Variants in PLEKHM1 observed in about 807,000 individuals in gnomAD.
PLEKHM1 encodes pleckstrin homology domain-containing family M member 1.
A neutral mutation model predicts 94.3 loss-of-function variants in PLEKHM1; 28 were observed. That is an observed-to-expected ratio of 0.30 (90% CI 0.22 to 0.41). The LOEUF is 0.41. Among genes scored for constraint, PLEKHM1 ranks in the 10% least tolerant of loss-of-function variants. The pLI is 1.00. For missense variants in PLEKHM1, 907 were observed against 1,358.6 expected, an observed-to-expected ratio of 0.67 and a Z score of 5.22; for synonymous variants, 424 against 581.2, an observed-to-expected ratio of 0.73 and a Z score of 3.89.
At chr17:45,449,481 C>CCTGCT (rs2050705810) in intron 8 of PLEKHM1, among the ~76,000 whole-genome samples, 1 of 151,966 alleles carries the variant, frequency 6.6e-6, no homozygotes, top group Non-Finnish European at 1.5e-5. Context: ...CACCTACCCA[C>CCTGCT]CAAGCCATCC....
intron 1 of PLEKHM1, 93 bp from the exon 2 acceptor site, chr17:45,482,618 T>C (rs1482062624): frequency 1.4e-6 from 1 of 739,232 alleles, no homozygotes; most frequent in Non-Finnish European, 2.5e-6. Flanking sequence ...CAGCCTCTCT[T>C]ACTCAAACTG....
intron 5 of PLEKHM1, among the ~76,000 whole-genome samples, chr17:45,467,643 C>T (rs1462366407): frequency 3.9e-5 from 6 of 152,092 alleles, no homozygotes; most frequent in Admixed American, 2.6e-4. Flanking sequence ...CACCTGTAAT[C>T]CCAGCTACTC....
At chr17:45,452,491 T>C (rs908077605) in intron 7 of PLEKHM1, among the ~76,000 whole-genome samples, 1 of 151,424 alleles carries the variant, frequency 6.6e-6, no homozygotes, top group South Asian at 2.1e-4. Context: ...GTGAGCTCAG[T>C]AGCAGACACC....
rs778185567 is a variant in PLEKHM1, at chr17:45,437,352, G to T, written c.*506C>A. ...CAGCCACCCGCTACCTCTAAGCCAG[G>T]CCTGAGTGGCTCCTGTGCATCCGCT... On this transcript the variant is annotated 3_prime_UTR_variant, in exon 12 of 12. Coordinates refer to ENST00000430334, the MANE Select transcript of PLEKHM1 (RefSeq NM_014798.3). This position sits in a 1 kb window ranked among gnomAD's most constrained non-coding sequence, Gnocchi z 4.0. 5.9e-4 allele frequency: 270 copies of T among 454,108 alleles called. 1 individual carries two copies. Among genetic ancestry groups the T allele is most frequent in the Non-Finnish European group, 1.3e-4 (29 of 226,848 alleles). The allele number at this position is 454,108 out of a possible 1,614,324, so 28.1% of individuals were successfully genotyped here. A position where few individuals can be genotyped will look rare whatever the true frequency, so the allele number is the denominator to read the frequency against.
In PLEKHM1 at chr17:45,478,060, C is replaced by A; in HGVS notation, c.136G>T (p.Asp46Tyr). Residue 46 changes from aspartate to tyrosine, a missense_variant, in exon 3 of 12, where the codon GAT (aspartate) becomes TAT (tyrosine). By Grantham distance (160) the Asp-to-Tyr change is radical (BLOSUM62 -3). Coordinates refer to ENST00000430334, the MANE Select transcript of PLEKHM1 (RefSeq NM_014798.3). The part of the protein sequence containing the change: ...LDTVVTSEDG[D>Y]ANTMCSALEA... ...AGGGCGCTGCACATGGTGTTGGCAT[C>A]TCCGTCTTCACTAGTGACCACCGTG... 1 of 1,614,184 alleles carries A rather than the reference C, an allele frequency of 6.2e-7. No homozygotes were observed. Among genetic ancestry groups the A allele is most frequent in the Non-Finnish European group, 8.5e-7 (1 of 1,180,040 alleles).
chr17:45,464,835 A>G (rs919751845), intron 5 of PLEKHM1, among the ~76,000 whole-genome samples: 13 of 152,198 alleles, frequency 8.5e-5, no homozygotes, highest in African/African-American at 3.1e-4. Context: ...CCAAATTGCT[A>G]GGATTAGAGG....
chr17:45,455,350 A>G (rs1252982303), intron 6 of PLEKHM1, among the ~76,000 whole-genome samples: 1 of 151,778 alleles, frequency 6.6e-6, no homozygotes, highest in African/African-American at 2.4e-5. Flanking sequence ...GAGTGCCCAG[A>G]TGTCAGTCCT....
intron 1 of PLEKHM1, among the ~76,000 whole-genome samples, chr17:45,489,993 C>G (rs2052257899): frequency 6.6e-6 from 1 of 151,958 alleles, no homozygotes. Context: ...CGGCAGGAGA[C>G]GCAAAGGAAG....
chr17:45,485,794 T>TATTACCAGCTACC, intron 1 of PLEKHM1, among the ~76,000 whole-genome samples: 1 of 151,588 alleles, frequency 6.6e-6, no homozygotes, highest in Non-Finnish European at 1.5e-5. Flanking sequence ...TACCAGCTAC[T>TATTACCAGCTACC]GGTATTACCA....
At chr17:45,473,611 T>A (rs2051593028) in intron 4 of PLEKHM1, among the ~76,000 whole-genome samples, 1 of 151,824 alleles carries the variant, frequency 6.6e-6, no homozygotes. Flanking sequence ...CAGGCTGGAG[T>A]GCAGTGGCAC....
intron 1 of PLEKHM1, among the ~76,000 whole-genome samples, chr17:45,489,890 A>AT (rs1447543926): frequency 5.3e-5 from 8 of 152,232 alleles, no homozygotes; most frequent in East Asian, 1.9e-4. Context: ...TGGAGATGTC[A>AT]TTTTTAACAA....
rs2050539401 is a variant in PLEKHM1, at chr17:45,444,459, G to A, written c.2837+1011C>T. ...GAGCACCAAAGGCCCCAGGCCCTGG[G>A]TAAGAGAAGCTTCCTGAAGGGCATC... is the stretch of plus-strand genomic sequence containing the variant. On this transcript the variant is annotated intron_variant, in intron 9 of 11. Transcript: ENST00000430334. The surrounding 1 kb of genome is among the most constrained non-coding windows in gnomAD (Gnocchi z 5.0). 6.6e-6 allele frequency among the ~76,000 whole-genome samples: 1 copy of A among 152,180 alleles called. No individual in the cohort carries two copies. The highest frequency in any genetic ancestry group is 1.5e-5 in the Non-Finnish European group (1 of 68,016).
chr17:45,435,303 G>A (rs1597898150), downstream of PLEKHM1, among the ~76,000 whole-genome samples: 2 of 152,186 alleles, frequency 1.3e-5, no homozygotes, highest in East Asian at 3.9e-4. Context: ...ATTTCCCTGA[G>A]AATTAAGTCT....
chr17:45,487,147 GA>G (rs2052156347), intron 1 of PLEKHM1, among the ~76,000 whole-genome samples: 1 of 152,288 alleles, frequency 6.6e-6, no homozygotes, highest in East Asian at 1.9e-4. Context: ...TGCCATTTAG[GA>G]AGCCCCAAAC....
chr17:45,451,489 A>G (rs2050773441), intron 7 of PLEKHM1, among the ~76,000 whole-genome samples: 1 of 152,252 alleles, frequency 6.6e-6, no homozygotes, highest in Admixed American at 6.5e-5. Context: ...GGGCCTTGGG[A>G]CCAGAGGGCG....
Position 45,457,172 on chromosome 17 carries a change from GAAAAAAA to G in PLEKHM1, c.1579+990_1579+996del, listed in dbSNP as rs980455854. Among the ~76,000 whole-genome samples, 11 of 56,322 alleles carry G rather than the reference GAAAAAAA, an allele frequency of 2.0e-4. No homozygotes were observed. In the East Asian group the frequency reaches 7.6e-3, roughly 39 times the overall value. The allele number at this position is 56,322 out of a possible 152,430, so 36.9% of individuals were successfully genotyped here. A position where few individuals can be genotyped will look rare whatever the true frequency, so the allele number is the denominator to read the frequency against. ...GGTGACAGAGCAAGACTCTGCCTCA[GAAAAAAA>G]AAAAAAAAAAAAAAGAAGCACTGGA... On this transcript the variant is annotated intron_variant, in intron 6 of 11. Transcript: ENST00000430334.
At chr17:45,467,958 C>T (rs532481361) in intron 5 of PLEKHM1, among the ~76,000 whole-genome samples, 31 of 152,224 alleles carry the variant, frequency 2.0e-4, no homozygotes, top group Non-Finnish European at 3.4e-4. Flanking sequence ...GAGATACACA[C>T]GGGAAGTGAT....
intron 10 of PLEKHM1, 81 bp downstream of exon 10, chr17:45,440,082 C>T: frequency 7.8e-7 from 1 of 1,288,722 alleles, no homozygotes; most frequent in Non-Finnish European, 1.1e-6. Context: ...TACAGACACC[C>T]CCTCTTCCAT....
At chr17:45,458,775 G>GT (rs58499497) in intron 5 of PLEKHM1, among the ~76,000 whole-genome samples, 629 of 142,228 alleles carry the variant, frequency 4.4e-3, no homozygotes, top group Admixed American at 5.2e-3. Flanking sequence ...CCAGCCTGAA[G>GT]TTTTTTTTTT....
Sources: gnomAD v4.1 joint callset for allele counts (sites outside exome capture counted in the v4.1 genomes callset) on GRCh38, gnomAD v4.1.1 for gene constraint, Gnocchi (gnomAD v3.1) non-coding constraint, MANE v1.5 for transcripts, NCBI Gene and HGNC (gene_info 2026-07-23, HGNC 2026-07-21) for gene names.